FBXO34: variants seen among roughly 807,000 people sequenced by gnomAD.
The protein encoded by FBXO34 is F-box protein 34.
FBXO34 carries 12 observed loss-of-function variants against 24.5 expected under a neutral mutation model. That is an observed-to-expected ratio of 0.49 (90% CI 0.31 to 0.79). The LOEUF (loss-of-function observed/expected upper bound fraction) is 0.79, where lower values mean the gene tolerates loss of function less well. Among genes scored for constraint, FBXO34 ranks in the 30% least tolerant of loss-of-function variants. FBXO34 has a pLI of 0.04. For synonymous variants in FBXO34, 320 were observed against 311.9 expected, an observed-to-expected ratio of 1.03 and a Z score of -0.27; for missense variants, 823 against 857.7, an observed-to-expected ratio of 0.96 and a Z score of 0.51.
At chr14:55,412,664 T>A in the FBXO34 span, among the ~76,000 whole-genome samples, 2 of 152,202 alleles carry the variant, frequency 1.3e-5, no homozygotes, top group Non-Finnish European at 2.9e-5. Context: ...TAGGTGAGAT[T>A]AAATAGACCA....
intron 1 of FBXO34, chr14:55,339,386 C>T (rs1009923597): frequency 5.5e-5 from 8 of 146,174 alleles, no homozygotes; most frequent in East Asian, 4.3e-4. Flanking sequence ...CTGCCCCCCC[C>T]CCCAATCCTG....
intron 1 of FBXO34, among the ~76,000 whole-genome samples, chr14:55,278,290 C>T (rs754849544): frequency 1.3e-4 from 20 of 152,118 alleles, no homozygotes; most frequent in African/African-American, 3.9e-4. Flanking sequence ...CTCACTGTGA[C>T]GAAGTTAAGC....
chr14:55,361,707 C>CT (rs1272451628), intron 3 of FBXO34: 1 of 152,236 alleles, frequency 6.6e-6, no homozygotes, highest in Admixed American at 6.5e-5. Flanking sequence ...TAACTTACTG[C>CT]TTTCTCTTAC....
intron 1 of FBXO34, chr14:55,339,398 A>T (rs1883915147): frequency 8.6e-6 from 1 of 116,112 alleles, no homozygotes; most frequent in Admixed American, 9.4e-5. Flanking sequence ...CCAATCCTGG[A>T]TCTATGCTAA....
the FBXO34 span, chr14:55,411,558 G>T: frequency 1.3e-6 from 2 of 1,553,028 alleles, no homozygotes; most frequent in East Asian, 2.4e-5. Flanking sequence ...CTGGCTGGAG[G>T]ACACACAGCA....
chr14:55,298,960 C>T (rs1882243067), intron 1 of FBXO34: 9 of 1,587,614 alleles, frequency 5.7e-6, no homozygotes, highest in East Asian at 4.5e-5. Context: ...GCCAAGAAGG[C>T]GGCCCACGAC....
chr14:55,293,918 T>G lies in FBXO34; in HGVS notation c.-11+22381T>G, dbSNP rs558478180. ...AAACTTAACAGCAGTGGCTGACATTTTTGCTTATTTGTTAGGTATTGGTGG... is the reference window on the plus strand; with the variant it reads ...AAACTTAACAGCAGTGGCTGACATTGTTGCTTATTTGTTAGGTATTGGTGG... On this transcript the variant is annotated intron_variant, in intron 1 of 1. Transcript: ENST00000313833. Among the ~76,000 whole-genome samples, 17 of 152,260 alleles carry G rather than the reference T, an allele frequency of 1.1e-4. No individual in the cohort carries two copies. The South Asian group carries it at 1.7e-3, about 15-fold the overall frequency.
chr14:55,411,297 G>A, the FBXO34 span, among the ~76,000 whole-genome samples: 2 of 152,212 alleles, frequency 1.3e-5, no homozygotes, highest in African/African-American at 2.4e-5. Context: ...TAACTTAATG[G>A]CAGCAACGGG....
At chr14:55,369,862 A>T, downstream of FBXO34, 1 of 1,614,160 alleles carries the variant, frequency 6.2e-7, no homozygotes, top group East Asian at 2.2e-5. Context: ...ATTCTCCAGC[A>T]ACTCCGGGAT....
chr14:55,275,650 T>TAAA (rs772731752), intron 1 of FBXO34, among the ~76,000 whole-genome samples: 2 of 133,946 alleles, frequency 1.5e-5, no homozygotes, highest in African/African-American at 2.7e-5. Context: ...CCATCTCTAC[T>TAAA]AAAAAAAAAA....
At chr14:55,438,144 G>T in the FBXO34 span, among the ~76,000 whole-genome samples, 1 of 152,156 alleles carries the variant, frequency 6.6e-6, no homozygotes, top group African/African-American at 2.4e-5. Flanking sequence ...AACTCAAAAA[G>T]ATCTTATTTC....
At chr14:55,412,185 G>T in the FBXO34 span, among the ~76,000 whole-genome samples, 23 of 152,306 alleles carry the variant, frequency 1.5e-4, no homozygotes, top group South Asian at 4.8e-3. Context: ...TGCTGTGGAT[G>T]CTTTAAAATC....
At chr14:55,304,311 A>G (rs1348920544) in intron 1 of FBXO34, among the ~76,000 whole-genome samples, 3 of 152,174 alleles carry the variant, frequency 2.0e-5, no homozygotes, top group East Asian at 1.9e-4. Context: ...TAACACCATC[A>G]TGGTTATTCT....
chr14:55,431,415 C>T, the FBXO34 span, among the ~76,000 whole-genome samples: 1 of 152,182 alleles, frequency 6.6e-6, no homozygotes, highest in African/African-American at 2.4e-5. Flanking sequence ...TTACTTCTCC[C>T]TCTGCAATCC....
chr14:55,307,245 T>C (rs1882582571), intron 1 of FBXO34, among the ~76,000 whole-genome samples: 1 of 152,246 alleles, frequency 6.6e-6, no homozygotes, highest in South Asian at 2.1e-4. Context: ...ATCTGCTTTG[T>C]ACTACTAGCC....
At chr14:55,438,739 A>G in the FBXO34 span, 1 of 152,304 alleles carries the variant, frequency 6.6e-6, no homozygotes, top group East Asian at 1.9e-4. Flanking sequence ...TAGCACGTTC[A>G]CTGCATCCTT....
the FBXO34 span, among the ~76,000 whole-genome samples, chr14:55,428,119 C>CTTTTTTCTTTTTTTTTT: frequency 2.3e-5 from 1 of 43,332 alleles, no homozygotes. Context: ...CATGCCTTAT[C>CTTTTTTCTTTTTTTTTT]TTTTTTTTTT....
At chr14:55,289,275 T>C (rs1881863038) in intron 1 of FBXO34, among the ~76,000 whole-genome samples, 1 of 152,164 alleles carries the variant, frequency 6.6e-6, no homozygotes, top group Non-Finnish European at 1.5e-5. Context: ...AACCAAAATC[T>C]AATATAAACC....
the FBXO34 span, among the ~76,000 whole-genome samples, chr14:55,437,210 C>G: frequency 2.6e-5 from 4 of 151,606 alleles, no homozygotes; most frequent in African/African-American, 9.6e-5. Context: ...GATGTGGTAG[C>G]TCACGCCTGT....
Sources: allele counts gnomAD v4.1 joint callset (sites outside exome capture counted in the v4.1 genomes callset), GRCh38; gene constraint gnomAD v4.1.1; transcripts MANE v1.5; gene names NCBI Gene and HGNC (gene_info 2026-07-23, HGNC 2026-07-21).